GRHL3: variants seen among roughly 807,000 people sequenced by gnomAD.
GRHL3 encodes grainyhead like transcription factor 3.
Under a neutral mutation model 70.3 loss-of-function variants are expected in GRHL3, and 20 were observed. The ratio of observed to expected loss-of-function variants is 0.28; its 90% CI spans 0.20 to 0.41. The LOEUF (loss-of-function observed/expected upper bound fraction) is 0.41. GRHL3 is among the 10% of genes least tolerant of loss of function. GRHL3 has a pLI of 1.00. For missense variants in GRHL3, 637 were observed against 762.3 expected (o/e 0.84, Z 1.94); for synonymous variants, 299 against 299.9 (o/e 1.00, Z 0.03).
intron 1 of GRHL3, among the ~76,000 whole-genome samples, chr1:24,325,778 C>T (rs1639366320): frequency 6.6e-6 from 1 of 152,222 alleles, no homozygotes; most frequent in Non-Finnish European, 1.5e-5. Context: ...CACTTCCTCA[C>T]AGACTGGACG....
rs567926529 is a variant in GRHL3, at chr1:24,342,664, T to C, written c.1207-30T>C. 2.5e-6 allele frequency: 4 copies of C among 1,605,130 alleles called. No individual in the cohort carries two copies. The highest frequency in any genetic ancestry group is 2.6e-6 in the Non-Finnish European group (3 of 1,171,960). On this transcript the variant is annotated intron_variant, in intron 9 of 15. Transcript: ENST00000361548. The surrounding 1 kb of genome is among the most constrained non-coding windows in gnomAD (Gnocchi z 4.8). ...AAAGTAGCTAGCCCCTCCCAGGCCC[T>C]TGGTGACCCTCTCTCCTTCTCCCCT...
chr1:24,350,487 C>T (rs74062164), intron 15 of GRHL3, among the ~76,000 whole-genome samples: 5,754 of 152,236 alleles, frequency 0.038, 280 homozygotes, highest in African/African-American at 0.11. Context: ...GTGTCAGACA[C>T]GAGGCTAAGC....
Position 24,345,747 on chromosome 1 carries a change from C to A in GRHL3, c.1455-806C>A, listed in dbSNP as rs562171132. 3.9e-5 allele frequency among the ~76,000 whole-genome samples: 6 copies of A among 152,320 alleles called. No homozygotes were observed. In the South Asian group the frequency reaches 1.2e-3, roughly 32 times the overall value. ...CCTCTGTCAGTCACAGCCTTAGTGC[C>A]CTGAGCAGTCCCTTCACCTCTCTGA... On this transcript the variant is annotated intron_variant, in intron 12 of 15. Coordinates refer to ENST00000361548, the MANE Select transcript of GRHL3 (RefSeq NM_198173.3).
At chr1:24,328,917 C>T (rs916293698) in intron 1 of GRHL3, among the ~76,000 whole-genome samples, 2 of 152,318 alleles carry the variant, frequency 1.3e-5, no homozygotes, top group Middle Eastern at 6.8e-3. Context: ...ATCAGTCAGG[C>T]ATTTCCCTGC....
Position 24,354,587 on chromosome 1 carries a change from T to A in GRHL3, c.*99T>A. The A allele has an allele frequency of 1.3e-6, 1 of 742,090 alleles. No homozygotes were observed. Among genetic ancestry groups the A allele is most frequent in the Non-Finnish European group, 2.3e-6 (1 of 426,436 alleles). The allele number at this position is 742,090 out of a possible 1,614,324, so 46.0% of individuals were successfully genotyped here. ...TCTCCACATGCCTCAGCGCTGTTAC[T>A]TGAATGCCTTCCCTGAGGGAAGAGG... is the stretch of plus-strand genomic sequence containing the variant. On this transcript the variant is annotated 3_prime_UTR_variant, in exon 16 of 16. Transcript: ENST00000361548.
chr1:24,344,828 C>T (rs200199726), intron 11 of GRHL3, 69 bp from the exon 12 acceptor site: 10 of 1,579,802 alleles, frequency 6.3e-6, no homozygotes, highest in Non-Finnish European at 8.7e-6. Context: ...CCCAGAGAGC[C>T]TCCAGCAGCC....
intron 1 of GRHL3, among the ~76,000 whole-genome samples, chr1:24,327,845 A>G (rs959482176): frequency 6.6e-6 from 1 of 152,138 alleles, no homozygotes; most frequent in Non-Finnish European, 1.5e-5. Context: ...TGGCTCCTCA[A>G]TCCTTATTTG....
intron 1 of GRHL3, among the ~76,000 whole-genome samples, chr1:24,328,712 G>A (rs1639485127): frequency 6.6e-6 from 1 of 152,154 alleles, no homozygotes; most frequent in African/African-American, 2.4e-5. Context: ...TTGATGTCTT[G>A]CCCCAAGCTG....
rs540893967 is a variant in GRHL3 at position 24,362,713 on chromosome 1, AGAGTCATGC to A, written c.1695-1471_1695-1463del. 1.4e-3 allele frequency among the ~76,000 whole-genome samples: 212 copies of A among 152,328 alleles called. 1 individual carries two copies. Among genetic ancestry groups the A allele is most frequent in the Non-Finnish European group, 2.3e-3 (159 of 68,032 alleles). ...AAGACTGACAGGGCCCTTCCACCCCAGAGTCATGCTGAGGCAGGGGACACCCCCCTGGTC... is the reference window on the plus strand; with the variant it reads ...AAGACTGACAGGGCCCTTCCACCCCATGAGGCAGGGGACACCCCCCTGGTC... On this transcript the variant is annotated intron_variant, in intron 15 of 15. Transcript: ENST00000350501.
downstream of GRHL3, chr1:24,357,900 C>T (rs561850784): frequency 3.1e-6 from 1 of 323,410 alleles, no homozygotes; most frequent in Admixed American, 4.2e-5. Context: ...CGGCCACTGC[C>T]ATTCCAAGAT....
At position 24,350,190 on chromosome 1, in the gene GRHL3, G is replaced by A. The variant is rs879239102; in HGVS notation, c.1694+68G>A. 16 of 1,356,308 alleles carry A rather than the reference G, an allele frequency of 1.2e-5. No homozygotes were observed. In the South Asian group the frequency reaches 1.9e-4, roughly 16 times the overall value. The allele number at this position is 1,356,308 out of a possible 1,614,324, so 84.0% of individuals were successfully genotyped here. A position where few individuals can be genotyped will look rare whatever the true frequency, so the allele number is the denominator to read the frequency against. On this transcript the variant is annotated intron_variant, in intron 15 of 15. Coordinates refer to ENST00000361548, the MANE Select transcript of GRHL3 (RefSeq NM_198173.3). ...TGAGCAATGTTTGTACTTGGCCTTTGTGGAGGGGCTGAGGGGATGTGGAGT... is the reference window on the plus strand; with the variant it reads ...TGAGCAATGTTTGTACTTGGCCTTTATGGAGGGGCTGAGGGGATGTGGAGT...
intron 6 of GRHL3, 22 bp from the exon 7 acceptor site, chr1:24,337,970 C>T (rs770106393): frequency 1.5e-5 from 23 of 1,573,824 alleles, no homozygotes; most frequent in Non-Finnish European, 6.1e-6. Context: ...CCGGGAGTGA[C>T]TGTGACCAAC....
In GRHL3 at chr1:24,321,572, C is replaced by G. The variant is rs953366291; in HGVS notation, c.17+2004C>G. On this transcript the variant is annotated intron_variant, in intron 1 of 15. Coordinates refer to ENST00000361548, the MANE Select transcript of GRHL3 (RefSeq NM_198173.3). The surrounding 1 kb of genome is among the most constrained non-coding windows in gnomAD (Gnocchi z 4.0). ...AGTGGCAAAAGTGGGACTTGCCTGT[C>G]ACTCTAAATTCTGCCACTTACCAAC... is the stretch of plus-strand genomic sequence containing the variant. The G allele has an allele frequency of 6.6e-6, 1 of 152,346 alleles. No individual in the cohort carries two copies. Among genetic ancestry groups the G allele is most frequent in the Non-Finnish European group, 1.5e-5 (1 of 68,128 alleles). The allele number at this position is 152,346 out of a possible 1,614,324, so 9.4% of individuals were successfully genotyped here.
chr1:24,348,962 T>TAA (rs1327983357), intron 14 of GRHL3, among the ~76,000 whole-genome samples: 1 of 152,238 alleles, frequency 6.6e-6, no homozygotes, highest in Non-Finnish European at 1.5e-5. Flanking sequence ...ACCGACGTCT[T>TAA]ACAGAGCTGT....
chr1:24,353,990 CG>C (rs537951428), intron 15 of GRHL3, among the ~76,000 whole-genome samples: 47 of 152,314 alleles, frequency 3.1e-4, no homozygotes, highest in African/African-American at 1.1e-3. Context: ...ACCACCCCTC[CG>C]GGGCTTGAAC....
In GRHL3 at chr1:24,322,994, T is replaced by G; in HGVS notation, c.17+3426T>G. 8.0e-7 allele frequency: 1 copy of G among 1,256,164 alleles called. No individual in the cohort carries two copies. The highest frequency in any genetic ancestry group is 1.1e-6 in the Non-Finnish European group (1 of 881,836). 77.8% of individuals were successfully genotyped at this position (1,256,164 alleles called of 1,614,324 possible). On this transcript the variant is annotated intron_variant, in intron 1 of 15. Coordinates refer to ENST00000361548, the MANE Select transcript of GRHL3 (RefSeq NM_198173.3). The surrounding 1 kb of genome is among the most constrained non-coding windows in gnomAD (Gnocchi z 4.4). ...TAACCGGGTCTTAGCCGAGCAGCCA[T>G]AGGCCACCCCGCTTCCTCTGTGCTT... is the stretch of plus-strand genomic sequence containing the variant.
Position 24,342,879 on chromosome 1 carries a change from C to T in GRHL3, c.1286-13C>T. 2 of 1,614,192 alleles carry T rather than the reference C, an allele frequency of 1.2e-6. No individual in the cohort carries two copies. Among genetic ancestry groups the T allele is most frequent in the African/African-American group, 1.3e-5 (1 of 75,036 alleles). Reference sequence around the variant, plus strand: ...AGGGACCTCGGGGCACATTGGCTTCCTTCTCCCATCAGGCGTCAAGGGCTG... The same window carrying T: ...AGGGACCTCGGGGCACATTGGCTTCTTTCTCCCATCAGGCGTCAAGGGCTG... On this transcript the variant is annotated splice_polypyrimidine_tract_variant and intron_variant, in intron 10 of 15. Transcript: ENST00000361548. This position sits in a 1 kb window ranked among gnomAD's most constrained non-coding sequence, Gnocchi z 4.8.
chr1:24,361,801 T>C (rs141784045), intron 15 of GRHL3, among the ~76,000 whole-genome samples: 64 of 152,264 alleles, frequency 4.2e-4, no homozygotes, highest in African/African-American at 1.5e-3. Context: ...TGTACTTGAG[T>C]CCTAGCTTGG....
Position 24,354,777 on chromosome 1 carries a change from T to G in GRHL3, c.*289T>G. On this transcript the variant is annotated 3_prime_UTR_variant, in exon 16 of 16. Transcript: ENST00000361548. ...TGGTTACCACCTACCCAGAAGACTG[T>G]TCCCTCCTCCCAAGACCCTTGTCTG... 1.0e-5 allele frequency: 3 copies of G among 289,752 alleles called. No homozygotes were observed. The highest frequency in any genetic ancestry group is 1.3e-5 in the Non-Finnish European group (2 of 150,236). The allele number at this position is 289,752 out of a possible 1,614,324, so 17.9% of individuals were successfully genotyped here. A position where few individuals can be genotyped will look rare whatever the true frequency, so the allele number is the denominator to read the frequency against.
Sources: allele counts gnomAD v4.1 joint callset (sites outside exome capture counted in the v4.1 genomes callset), GRCh38; gene constraint gnomAD v4.1.1; non-coding constraint Gnocchi (gnomAD v3.1); transcripts MANE v1.5; gene names NCBI Gene and HGNC (gene_info 2026-07-23, HGNC 2026-07-21).